Variants in ICE1 observed in about 807,000 individuals in gnomAD.
ICE1 encodes the protein interactor of little elongation complex ELL subunit 1.
A neutral mutation model predicts 192.7 loss-of-function variants in ICE1; 64 were observed. That is an observed-to-expected ratio of 0.33 (90% CI 0.27 to 0.41). The LOEUF is 0.41. Ranked by LOEUF, ICE1 falls within the 10% of genes least tolerant of loss-of-function variation. ICE1 has a pLI of 1.00. For missense variants in ICE1, 2,708 were observed against 2,696.0 expected (o/e 1.00, Z -0.10); for synonymous variants, 1,010 against 984.5 (o/e 1.03, Z -0.49).
rs116278104 is a variant in ICE1 at position 5,470,341 on chromosome 5, T to C, written c.6222+1353T>C. ...CCAGCCTGCTTCTGCTCTCACTTGG[T>C]CTTTCCACTTGCACACTAGAGCCCA... On this transcript the variant is annotated intron_variant, in intron 15 of 18. Coordinates refer to ENST00000296564, the MANE Select transcript of ICE1 (RefSeq NM_015325.3). 5.3e-3 allele frequency among the ~76,000 whole-genome samples: 806 copies of C among 152,322 alleles called. 9 individuals carry two copies. The highest frequency in any genetic ancestry group is 0.019 in the African/African-American group (774 of 41,576).
At chr5:5,478,129 A>G (rs1401693889) in intron 17 of ICE1, among the ~76,000 whole-genome samples, 15 of 152,240 alleles carry the variant, frequency 9.9e-5, no homozygotes, top group Non-Finnish European at 2.1e-4. Context: ...GGCCAGGCCA[A>G]TCAGGCAAGA....
At position 5,447,524 on chromosome 5, in the gene ICE1, C is replaced by G; in HGVS notation, c.507+15C>G. 1 of 1,524,750 alleles carries G rather than the reference C, an allele frequency of 6.6e-7. No individual in the cohort carries two copies. The highest frequency in any genetic ancestry group is 8.9e-7 in the Non-Finnish European group (1 of 1,123,568). 94.5% of individuals were successfully genotyped at this position (1,524,750 alleles called of 1,614,324 possible). A position where few individuals can be genotyped will look rare whatever the true frequency, so the allele number is the denominator to read the frequency against. On this transcript the variant is annotated intron_variant, in intron 8 of 18. Transcript: ENST00000296564. ...AGAAGACACAGGTACTAGATAAAAG[C>G]AGCATACACACACCTTAAATACGTG...
rs779318769 is a variant in ICE1 at position 5,462,624 on chromosome 5, A to G, written c.3290A>G (p.Tyr1097Cys). The G allele has an allele frequency of 2.5e-6, 4 of 1,614,008 alleles. No individual in the cohort carries two copies. Among genetic ancestry groups the G allele is most frequent in the Admixed American group, 1.7e-5 (1 of 60,028 alleles). Residue 1097 changes from tyrosine to cysteine, a missense_variant, in exon 13 of 19, where the codon TAC becomes TGC. Physicochemically the swap from Tyr to Cys is radical, Grantham distance 194. This residue lies in a region of ICE1 where 2,366 missense variants were observed against 2,276.6 expected (regional missense o/e 1.04). Transcript: ENST00000296564. Reference protein sequence around the residue: ...QSSLPGTLHCYTGIREGGDDT... With the variant: ...QSSLPGTLHCCTGIREGGDDT... ...AGCCTGCCTGGTACCTTACATTGTT[A>G]CACAGGCATTCGAGAGGGGGGAGAC...
In ICE1 at chr5:5,464,849, A is replaced by G. The variant is rs148407825; in HGVS notation, c.5515A>G (p.Thr1839Ala). 2.9e-4 allele frequency: 469 copies of G among 1,613,290 alleles called. No homozygotes were observed. In the African/African-American group the frequency reaches 3.9e-3, roughly 13 times the overall value. Residue 1839 changes from threonine to alanine, a missense_variant, in exon 13 of 19, where the codon ACG becomes GCG. This residue lies in a region of ICE1 where 2,366 missense variants were observed against 2,276.6 expected (regional missense o/e 1.04). Coordinates refer to ENST00000296564, the MANE Select transcript of ICE1 (RefSeq NM_015325.3). The surrounding 1 kb of genome is among the most constrained non-coding windows in gnomAD (Gnocchi z 4.0). ...TTCAAGCGGGAAAAGAACACTGTCA[A>G]CGTCTACACTGAGAAGTGCTAAAAG... is the stretch of plus-strand genomic sequence containing the variant. ...QDSSGKRTLS[T>A]STLRSAKRLR...
intron 7 of ICE1, among the ~76,000 whole-genome samples, chr5:5,445,380 C>T (rs912836205): frequency 6.6e-6 from 1 of 152,026 alleles, no homozygotes; most frequent in Non-Finnish European, 1.5e-5. Context: ...AGATAAGTGT[C>T]TATTGTATTT....
intron 15 of ICE1, among the ~76,000 whole-genome samples, chr5:5,469,530 T>G (rs1739095358): frequency 6.6e-6 from 1 of 152,180 alleles, no homozygotes; most frequent in African/African-American, 2.4e-5. Flanking sequence ...TTTTACCTAA[T>G]GAGAGTCTAA....
chr5:5,457,063 G>A (rs1738605537), intron 11 of ICE1, among the ~76,000 whole-genome samples: 1 of 152,112 alleles, frequency 6.6e-6, no homozygotes, highest in Non-Finnish European at 1.5e-5. Context: ...GGCTGTGGAT[G>A]CCTTTCCAGC....
chr5:5,431,348 T>C (rs1737703994), intron 1 of ICE1, among the ~76,000 whole-genome samples: 1 of 152,176 alleles, frequency 6.6e-6, no homozygotes, highest in South Asian at 2.1e-4. Context: ...ACTCGAATGT[T>C]TTCAGTCTTT....
At position 5,464,956 on chromosome 5, in the gene ICE1, C is replaced by G; in HGVS notation, c.5622C>G (p.Asn1874Lys). The change falls in exon 13 of 19, where the codon AAC (asparagine) becomes AAG (lysine). Residue 1874 changes from asparagine to lysine, a missense_variant. Asn to Lys is a moderately conservative substitution (Grantham distance 94). Around this residue, in one of 2 missense-constraint regions of ICE1, gnomAD observed 2,366 missense variants for 2,276.6 expected, o/e 1.04. Transcript: ENST00000296564. This position sits in a 1 kb window ranked among gnomAD's most constrained non-coding sequence, Gnocchi z 4.0. ...GAATCCACAAAAACCTCCCAGGGAA[C>G]CTCCCTCCAGCTGAAGTTGCAACAA... ...AEGIHKNLPG[N>K]LPPAEVATTN... The G allele has an allele frequency of 6.2e-7, 1 of 1,613,626 alleles. No homozygotes were observed. Among genetic ancestry groups the G allele is most frequent in the Non-Finnish European group, 8.5e-7 (1 of 1,179,722 alleles).
intron 3 of ICE1, 146 bp downstream of exon 3, chr5:5,437,260 A>C (rs1206799697): frequency 1.7e-6 from 1 of 590,194 alleles, no homozygotes. Context: ...CAAGCACAGT[A>C]AACAGACAGT....
chr5:5,464,023 G>A lies in ICE1; in HGVS notation c.4689G>A (p.Gln1563=), dbSNP rs759929451. 1 of 1,613,636 alleles carries A rather than the reference G, an allele frequency of 6.2e-7. No homozygotes were observed. The highest frequency in any genetic ancestry group is 8.5e-7 in the Non-Finnish European group (1 of 1,179,834). ...GATCAAAGATTTCAAACAAAGATCA[G>A]TCAAACAAACCAGTAAAAACTTCAG... The part of the protein sequence containing the change: ...KNRSKISNKD[Q]SNKPVKTSAS... The change falls in exon 13 of 19, where the codon CAG becomes CAA. Residue 1563 remains glutamine, a synonymous_variant. Transcript: ENST00000296564. This position sits in a 1 kb window ranked among gnomAD's most constrained non-coding sequence, Gnocchi z 4.0.
In ICE1 at chr5:5,443,589, T is replaced by C. The variant is rs1244022987; in HGVS notation, c.386+345T>C. On this transcript the variant is annotated intron_variant, in intron 6 of 18. Coordinates refer to ENST00000296564, the MANE Select transcript of ICE1 (RefSeq NM_015325.3). ...GTTTGTCTGTGTATATAATGCATTA[T>C]GTACTCATTCACTTGTGTCTGTGTG... Among the ~76,000 whole-genome samples, 2 of 152,240 alleles carry C rather than the reference T, an allele frequency of 1.3e-5. 1 individual carries two copies. The highest frequency in any genetic ancestry group is 1.3e-4 in the Admixed American group (2 of 15,274).
Position 5,447,721 on chromosome 5 carries a change from G to T in ICE1, c.508G>T (p.Glu170Ter). 1 of 1,579,152 alleles carries T rather than the reference G, an allele frequency of 6.3e-7. No individual in the cohort carries two copies. The highest frequency in any genetic ancestry group is 1.2e-5 in the South Asian group (1 of 86,504). Residue 170 changes from glutamate to a stop codon, truncating the protein, a stop_gained and splice_region_variant, in exon 9 of 19, where the codon GAA becomes TAA. Transcript: ENST00000296564. LOFTEE classifies it high-confidence loss of function. The stretch of plus-strand genomic sequence containing the variant: ...CACTATTAATATTTTGTTTTCACAG[G>T]AAAGGCTTGACGAATTTTCTAAACA... ...ILEKEFKKTQ[E>*]RLDEFSKQKN... is the part of the protein sequence containing the mutation.
At chr5:5,487,402 G>A (rs532757369) in intron 18 of ICE1, among the ~76,000 whole-genome samples, 3 of 152,100 alleles carry the variant, frequency 2.0e-5, no homozygotes, top group African/African-American at 7.2e-5. Context: ...TTTGAATATT[G>A]TATAATCAAG....
intron 1 of ICE1, among the ~76,000 whole-genome samples, chr5:5,425,955 A>G (rs1374174929): frequency 6.6e-6 from 1 of 152,232 alleles, no homozygotes; most frequent in Non-Finnish European, 1.5e-5. Context: ...TTTAAAACTC[A>G]AATGACCATG....
Position 5,461,013 on chromosome 5 carries a change from A to G in ICE1, c.1679A>G (p.Lys560Arg). The G allele has an allele frequency of 6.2e-7, 1 of 1,614,062 alleles. No individual in the cohort carries two copies. Among genetic ancestry groups the G allele is most frequent in the Non-Finnish European group, 8.5e-7 (1 of 1,179,896 alleles). The change falls in exon 13 of 19, where the codon AAA (lysine) becomes AGA (arginine). Residue 560 changes from lysine to arginine, a missense_variant. Physicochemically the swap from Lys to Arg is conservative, Grantham distance 26 (BLOSUM62 2). This residue lies in a region of ICE1 where 2,366 missense variants were observed against 2,276.6 expected (regional missense o/e 1.04). Coordinates refer to ENST00000296564, the MANE Select transcript of ICE1 (RefSeq NM_015325.3). ...TTGTCTAAAATGATGGGATCGCCCA[A>G]ATCAGAGTTTACTAAGTGGACACGA... ...TVLSKMMGSP[K>R]SEFTKWTRIN...
intron 3 of ICE1, among the ~76,000 whole-genome samples, chr5:5,439,417 A>G (rs1307581257): frequency 1.3e-5 from 2 of 152,188 alleles, no homozygotes; most frequent in Non-Finnish European, 2.9e-5. Context: ...ATCAAATTAC[A>G]TAAATTGTAA....
Position 5,461,633 on chromosome 5 carries a change from G to C in ICE1, c.2299G>C (p.Asp767His), listed in dbSNP as rs1168165491. ...PRIELTLNKP[D>H]FTSLIGSQAA... is the part of the protein sequence containing the mutation. ...AATTGAGCTCACACTAAATAAGCCA[G>C]ATTTCACATCATTAATAGGTTCTCA... The change falls in exon 13 of 19, where the codon GAT (aspartate) becomes CAT (histidine). Residue 767 changes from aspartate to histidine, a missense_variant. Asp to His is a moderately conservative substitution (Grantham distance 81). Coordinates refer to ENST00000296564, the MANE Select transcript of ICE1 (RefSeq NM_015325.3). 2 of 1,613,494 alleles carry C rather than the reference G, an allele frequency of 1.2e-6. No individual in the cohort carries two copies. The highest frequency in any genetic ancestry group is 3.3e-5 in the Admixed American group (2 of 59,942).
chr5:5,466,550 T>C, intron 14 of ICE1, 48 bp downstream of exon 14: 2 of 1,472,230 alleles, frequency 1.4e-6, no homozygotes, highest in Non-Finnish European at 1.9e-6. Flanking sequence ...ACGATTGCCT[T>C]TTTCCCTTAT....
Sources: gnomAD v4.1 joint callset for allele counts (sites outside exome capture counted in the v4.1 genomes callset) on GRCh38, gnomAD v4.1.1 for gene constraint, gnomAD v4.1.1 regional missense constraint, Gnocchi (gnomAD v3.1) non-coding constraint, MANE v1.5 for transcripts, NCBI Gene and HGNC (gene_info 2026-07-23, HGNC 2026-07-21) for gene names.